ABCC4: variants seen among roughly 807,000 people sequenced by gnomAD.
The protein encoded by ABCC4 is ATP-binding cassette sub-family C member 4.
In ABCC4, 102 loss-of-function variants were observed where a neutral mutation model predicts 168.5. The observed-to-expected ratio is 0.61, with a 90% CI of 0.52 to 0.71. ABCC4 has a LOEUF of 0.71. ABCC4 is among the 30% of genes least tolerant of loss of function. The probability of loss-of-function intolerance (pLI) is 0.00; values close to 1 mark genes in which losing one functional copy is unlikely to be tolerated. For synonymous variants in ABCC4, 617 were observed against 590.7 expected, an observed-to-expected ratio of 1.04 and a Z score of -0.65; for missense variants, 1,402 against 1,605.8, an observed-to-expected ratio of 0.87 and a Z score of 2.17.
intron 14 of ABCC4, 126 bp from the exon 15 acceptor site, chr13:95,166,493 T>C (rs1334667596): frequency 1.3e-6 from 1 of 767,454 alleles, no homozygotes; most frequent in Non-Finnish European, 2.1e-6. Context: ...GGAATCCTAG[T>C]TGACAAATCT....
intron 19 of ABCC4, among the ~76,000 whole-genome samples, chr13:95,144,250 G>C (rs1217476494): frequency 1.1e-5 from 1 of 87,304 alleles, no homozygotes. Flanking sequence ...GAAGCATGAT[G>C]ATAACATAAA....
intron 7 of ABCC4, 35 bp downstream of exon 7, chr13:95,207,765 T>TA: frequency 6.3e-7 from 1 of 1,586,622 alleles, no homozygotes; most frequent in Non-Finnish European, 8.6e-7. Flanking sequence ...AATAGAAAAA[T>TA]ACAAAAATAT....
At chr13:95,116,531 T>G (rs116669263) in intron 19 of ABCC4, among the ~76,000 whole-genome samples, 155 of 152,270 alleles carry the variant, frequency 1.0e-3, no homozygotes, top group African/African-American at 3.6e-3. Flanking sequence ...TTCCAGGCTG[T>G]GAGTTTACTA....
In ABCC4 at chr13:95,253,151, C is replaced by T. The variant is rs79856093; in HGVS notation, c.75-5398G>A. Among the ~76,000 whole-genome samples the T allele has an allele frequency of 8.0e-4, 122 of 152,264 alleles. 1 individual carries two copies. In the East Asian group the frequency reaches 0.017, roughly 21 times the overall value. On this transcript the variant is annotated intron_variant, in intron 1 of 30. Transcript: ENST00000645237. The stretch of plus-strand genomic sequence containing the variant: ...CCTCCACGATAGAAAGGTTAGTGCA[C>T]GGCCAACCATGACTGCCCCGGGCTT...
chr13:95,276,406 C>T (rs1441624243), intron 1 of ABCC4, among the ~76,000 whole-genome samples: 1 of 109,230 alleles, frequency 9.2e-6, no homozygotes, highest in African/African-American at 3.1e-5. Flanking sequence ...CAGTACAGGA[C>T]CCATCTCCAA....
intron 19 of ABCC4, among the ~76,000 whole-genome samples, chr13:95,154,953 T>C (rs1044673555): frequency 1.1e-4 from 16 of 152,360 alleles, no homozygotes; most frequent in Admixed American, 2.6e-4. Flanking sequence ...TGACTCTTTT[T>C]TTCTGGCAAG....
At chr13:95,250,750 C>T (rs1304277723) in intron 1 of ABCC4, among the ~76,000 whole-genome samples, 3 of 132,020 alleles carry the variant, frequency 2.3e-5, no homozygotes, top group Non-Finnish European at 3.1e-5. Context: ...GTTCTGAATA[C>T]TGGTTTCTTT....
At chr13:95,157,843 G>A (rs1043869725) in intron 19 of ABCC4, among the ~76,000 whole-genome samples, 9 of 151,902 alleles carry the variant, frequency 5.9e-5, no homozygotes, top group East Asian at 1.9e-4. Flanking sequence ...AGGTGGAAGC[G>A]GGCAGATCAC....
chr13:95,267,673 G>A (rs1388817991), intron 1 of ABCC4, among the ~76,000 whole-genome samples: 1 of 152,240 alleles, frequency 6.6e-6, no homozygotes, highest in East Asian at 1.9e-4. Context: ...CTAAATCCTT[G>A]GAATGCTCCA....
intron 1 of ABCC4, among the ~76,000 whole-genome samples, chr13:95,263,278 G>A (rs914900920): frequency 5.9e-5 from 9 of 152,138 alleles, no homozygotes; most frequent in Non-Finnish European, 1.2e-4. Flanking sequence ...TGACAAAAAT[G>A]TGACCAAAGG....
chr13:95,058,360 G>A (rs1048644042), intron 26 of ABCC4, among the ~76,000 whole-genome samples: 1 of 151,660 alleles, frequency 6.6e-6, no homozygotes, highest in Non-Finnish European at 1.5e-5. Context: ...CACAAGGTCA[G>A]GAGATCGAGA....
chr13:95,210,588 C>T lies in ABCC4; in HGVS notation c.621+104G>A, dbSNP rs1280310003. ...CCTTCAGCGAGCTATGATCCTGCCACTGCAATCCAGTGTGAACAGAGTGAG... is the reference window on the plus strand; with the variant it reads ...CCTTCAGCGAGCTATGATCCTGCCATTGCAATCCAGTGTGAACAGAGTGAG... On this transcript the variant is annotated intron_variant, in intron 5 of 30. Transcript: ENST00000645237. 4 of 948,988 alleles carry T rather than the reference C, an allele frequency of 4.2e-6. No homozygotes were observed. The East Asian group carries it at 1.0e-4, about 24-fold the overall frequency. The allele number at this position is 948,988 out of a possible 1,614,324, so 58.8% of individuals were successfully genotyped here.
At chr13:95,199,508 A>G (rs994130854) in intron 8 of ABCC4, among the ~76,000 whole-genome samples, 2 of 152,208 alleles carry the variant, frequency 1.3e-5, no homozygotes, top group East Asian at 3.8e-4. Flanking sequence ...CTGGTCTTCT[A>G]GTATTCCATA....
intron 4 of ABCC4, among the ~76,000 whole-genome samples, chr13:95,220,315 T>C (rs953973037): frequency 1.3e-5 from 2 of 152,200 alleles, no homozygotes; most frequent in African/African-American, 4.8e-5. Flanking sequence ...CACCAAAATT[T>C]TACTAAGAAT....
chr13:95,096,072 G>C lies in ABCC4; in HGVS notation c.2536-12782C>G, dbSNP rs779904579. ...AAAAAACAACATTTAGCCAGGTACAGTGGCTCATGCCTATAATCCCAGCAC... is the reference window on the plus strand; with the variant it reads ...AAAAAACAACATTTAGCCAGGTACACTGGCTCATGCCTATAATCCCAGCAC... On this transcript the variant is annotated intron_variant, in intron 20 of 30. Transcript: ENST00000645237. 4.3e-4 allele frequency: 197 copies of C among 459,826 alleles called. 1 individual carries two copies. Among genetic ancestry groups the C allele is most frequent in the Middle Eastern group, 3.8e-3 (13 of 3,396 alleles). 28.5% of individuals were successfully genotyped at this position (459,826 alleles called of 1,614,324 possible).
At chr13:95,145,848 CA>C (rs1442740265) in intron 19 of ABCC4, among the ~76,000 whole-genome samples, 1 of 152,082 alleles carries the variant, frequency 6.6e-6, no homozygotes, top group Non-Finnish European at 1.5e-5. Flanking sequence ...TAACAAGAAA[CA>C]GAAAACCAAA....
At chr13:95,131,510 T>A (rs1268691646) in intron 19 of ABCC4, among the ~76,000 whole-genome samples, 1 of 151,990 alleles carries the variant, frequency 6.6e-6, no homozygotes, top group Non-Finnish European at 1.5e-5. Flanking sequence ...ACGACTATAA[T>A]CCCAGCTATT....
chr13:95,247,071 T>C lies in ABCC4; in HGVS notation c.210A>G (p.Arg70=), dbSNP rs1213826334. 1.2e-6 allele frequency: 2 copies of C among 1,613,614 alleles called. No individual in the cohort carries two copies. Among genetic ancestry groups the C allele is most frequent in the East Asian group, 2.2e-5 (1 of 44,888 alleles). The change falls in exon 3 of 31, where the codon AGA becomes AGG. Residue 70 remains arginine (R), a synonymous_variant. Transcript: ENST00000645237. The part of the protein sequence containing the change: ...LQGFWDKEVL[R]AENDAQKPSL... ...AAGGCTTCTGTGCGTCATTCTCAGCTCTTAAAACTTCTTTATCCCAGAACC... is the reference window on the plus strand; with the variant it reads ...AAGGCTTCTGTGCGTCATTCTCAGCCCTTAAAACTTCTTTATCCCAGAACC...
intron 26 of ABCC4, 99 bp from the exon 27 acceptor site, chr13:95,053,283 A>G (rs2032917108): frequency 1.1e-6 from 1 of 898,900 alleles, no homozygotes; most frequent in Non-Finnish European, 1.8e-6. Flanking sequence ...AAAAAATAAA[A>G]TTCATGATAA....
Sources: gnomAD v4.1 joint callset for allele counts (sites outside exome capture counted in the v4.1 genomes callset) on GRCh38, gnomAD v4.1.1 for gene constraint, MANE v1.5 for transcripts, NCBI Gene and HGNC (gene_info 2026-07-23, HGNC 2026-07-21) for gene names.